The following TTC23L variants were observed in gnomAD, a reference collection of about 807,000 sequenced individuals.
The protein encoded by TTC23L is tetratricopeptide repeat domain 23 like.
Under a neutral mutation model 48.1 loss-of-function variants are expected in TTC23L, and 42 were observed. The ratio of observed to expected loss-of-function variants is 0.87; its 90% CI spans 0.68 to 1.13. The LOEUF (loss-of-function observed/expected upper bound fraction) is 1.13. Ranked by LOEUF, TTC23L falls within the 50% of genes most tolerant of loss-of-function variation. The pLI, the probability that TTC23L is intolerant of heterozygous loss-of-function variation, is 0.00. For missense variants in TTC23L, 391 were observed against 421.0 expected (o/e 0.93, Z 0.62); for synonymous variants, 159 against 157.2 (o/e 1.01, Z -0.09).
chr5:34,872,444 A>G (rs1216598774), intron 8 of TTC23L, among the ~76,000 whole-genome samples: 1 of 152,206 alleles, frequency 6.6e-6, no homozygotes, highest in Non-Finnish European at 1.5e-5. Context: ...AACTCTGGAG[A>G]GCAATTTGGC....
chr5:34,863,146 AC>A lies in TTC23L; in HGVS notation c.536+94del. The A allele has an allele frequency of 2.6e-6, 4 of 1,523,742 alleles. No individual in the cohort carries two copies. Among genetic ancestry groups the A allele is most frequent in the Non-Finnish European group, 3.6e-6 (4 of 1,117,720 alleles). The allele number at this position is 1,523,742 out of a possible 1,614,324, so 94.4% of individuals were successfully genotyped here. A position where few individuals can be genotyped will look rare whatever the true frequency, so the allele number is the denominator to read the frequency against. ...CTCATACAGGAGGGTGGGAGATGGA[AC>A]CAAGGCCTTGTAGATCTGTTCCAAC... On this transcript the variant is annotated intron_variant, in intron 5 of 10. Transcript: ENST00000505624. The surrounding 1 kb of genome is among the most constrained non-coding windows in gnomAD (Gnocchi z 4.1).
chr5:34,857,352 A>C (rs1247083332), intron 4 of TTC23L, among the ~76,000 whole-genome samples: 1 of 152,180 alleles, frequency 6.6e-6, no homozygotes, highest in Admixed American at 6.5e-5. Flanking sequence ...TATTACTGGG[A>C]ATCTTCCAGG....
the TTC23L span, chr5:34,918,095 G>T: frequency 4.5e-6 from 1 of 224,350 alleles, no homozygotes; most frequent in East Asian, 9.0e-5. Flanking sequence ...TTGAGCCCAG[G>T]TGTTGGAGAC....
At chr5:34,881,295 A>G (rs976886323) in intron 9 of TTC23L, among the ~76,000 whole-genome samples, 2 of 152,188 alleles carry the variant, frequency 1.3e-5, no homozygotes, top group Non-Finnish European at 2.9e-5. Flanking sequence ...ATTAGCCACA[A>G]TCTTGTTTTC....
the TTC23L span, chr5:34,922,804 C>G: frequency 1.9e-6 from 3 of 1,569,252 alleles, no homozygotes; most frequent in African/African-American, 4.1e-5. Flanking sequence ...GTCTAATTTT[C>G]TTATCTGGCA....
At chr5:34,864,357 C>T in intron 5 of TTC23L, 80 bp from the exon 6 acceptor site, 2 of 1,508,754 alleles carry the variant, frequency 1.3e-6, no homozygotes. Flanking sequence ...TCCAAGAGCC[C>T]CTTTTGTTTC....
the TTC23L span, chr5:34,919,847 A>C: frequency 8.9e-7 from 1 of 1,125,270 alleles, no homozygotes; most frequent in Non-Finnish European, 1.3e-6. Context: ...TAGATACTAA[A>C]ATGGATCGTA....
chr5:34,865,936 G>A (rs1761020185), intron 6 of TTC23L, among the ~76,000 whole-genome samples: 1 of 152,144 alleles, frequency 6.6e-6, no homozygotes, highest in East Asian at 1.9e-4. Context: ...TATGTTAGGT[G>A]ATTTTATACT....
chr5:34,877,399 C>G (rs1020422243), intron 8 of TTC23L, among the ~76,000 whole-genome samples: 3 of 144,498 alleles, frequency 2.1e-5, no homozygotes, highest in Non-Finnish European at 4.5e-5. Flanking sequence ...TTGACTAACA[C>G]TATTATTCTT....
chr5:34,891,702 C>T (rs552367398), intron 9 of TTC23L, among the ~76,000 whole-genome samples: 1 of 152,282 alleles, frequency 6.6e-6, no homozygotes, highest in South Asian at 2.1e-4. Context: ...TTCCTCAAAA[C>T]TGAACAGAAG....
At chr5:34,914,166 C>G in the TTC23L span, 1 of 314,784 alleles carries the variant, frequency 3.2e-6, no homozygotes, top group African/African-American at 2.2e-5. Flanking sequence ...AACAAAAATT[C>G]TATTACAACC....
chr5:34,900,612 C>T (rs1336732977), downstream of TTC23L, among the ~76,000 whole-genome samples: 1 of 152,172 alleles, frequency 6.6e-6, no homozygotes, highest in Non-Finnish European at 1.5e-5. Flanking sequence ...AAATGAGGGG[C>T]ATCCACAGCC....
chr5:34,916,221 T>C, the TTC23L span: 1 of 206,546 alleles, frequency 4.8e-6, no homozygotes, highest in Admixed American at 5.7e-5. Flanking sequence ...AGTAGTGCTT[T>C]TCCTTGGTTA....
chr5:34,872,812 C>A (rs914049203), intron 8 of TTC23L, among the ~76,000 whole-genome samples: 8 of 152,246 alleles, frequency 5.3e-5, no homozygotes, highest in Middle Eastern at 3.4e-3. Context: ...CCTGTAATCC[C>A]AGCACTTTGA....
chr5:34,846,131 C>A (rs1162487538), intron 3 of TTC23L, among the ~76,000 whole-genome samples: 2 of 152,042 alleles, frequency 1.3e-5, no homozygotes, highest in African/African-American at 2.4e-5. Context: ...CCACAGGGAG[C>A]CCGTGATTGT....
At chr5:34,845,664 G>T in exon 3 of TTC23L, 2 of 1,597,128 alleles carry the variant, frequency 1.3e-6, no homozygotes, top group Non-Finnish European at 1.7e-6. Flanking sequence ...AGCTGATTAA[G>T]GAAAAAATGG....
intron 4 of TTC23L, chr5:34,860,721 T>C (rs1271074122): frequency 6.6e-6 from 1 of 152,194 alleles, no homozygotes; most frequent in African/African-American, 2.4e-5. Context: ...TCTGGATCAC[T>C]TTTATTTATT....
intron 10 of TTC23L, 60 bp downstream of exon 10, chr5:34,896,935 C>A: frequency 1.6e-6 from 1 of 629,414 alleles, no homozygotes. Context: ...GCAAGAAATG[C>A]TGATTCCAAG....
At chr5:34,903,836 CA>C (rs1407913152), downstream of TTC23L, among the ~76,000 whole-genome samples, 8 of 152,132 alleles carry the variant, frequency 5.3e-5, no homozygotes, top group Admixed American at 1.3e-4. Flanking sequence ...AATTAGCTAA[CA>C]AGCACTGACA....
Sources: allele counts gnomAD v4.1 joint callset (sites outside exome capture counted in the v4.1 genomes callset), GRCh38; gene constraint gnomAD v4.1.1; non-coding constraint Gnocchi (gnomAD v3.1); transcripts MANE v1.5; gene names NCBI Gene and HGNC (gene_info 2026-07-23, HGNC 2026-07-21).